ZC3H18: variants seen among roughly 807,000 people sequenced by gnomAD.
The protein encoded by ZC3H18 is zinc finger CCCH-type containing 18, also known as zinc finger CCCH domain-containing protein 18.
ZC3H18 carries 8 observed loss-of-function variants against 106.1 expected under a neutral mutation model. The observed-to-expected ratio is 0.08, with a 90% CI of 0.04 to 0.14. The LOEUF (loss-of-function observed/expected upper bound fraction) is 0.14, where lower values mean the gene tolerates loss of function less well. ZC3H18 is among the 10% of genes least tolerant of loss of function. The pLI, the probability that ZC3H18 is intolerant of heterozygous loss-of-function variation, is 1.00. For synonymous variants in ZC3H18, 635 were observed against 522.1 expected (o/e 1.22, Z -2.95); for missense variants, 1,318 against 1,278.4 (o/e 1.03, Z -0.47).
At position 88,603,090 on chromosome 16, in the gene ZC3H18, G is replaced by A. The variant is rs201371069; in HGVS notation, c.1088+3142G>A. 1.3e-4 allele frequency among the ~76,000 whole-genome samples: 19 copies of A among 150,974 alleles called. No individual in the cohort carries two copies. In the East Asian group the frequency reaches 3.5e-3, roughly 28 times the overall value. On this transcript the variant is annotated intron_variant, in intron 6 of 17. Transcript: ENST00000301011. ...CGCCATTCTCCTGCCTCAGCCTCCC[G>A]AGTAGCTGGGACTACAGGCGCCCGC...
At chr16:88,607,238 G>A (rs767275006) in intron 6 of ZC3H18, among the ~76,000 whole-genome samples, 6 of 152,144 alleles carry the variant, frequency 3.9e-5, no homozygotes, top group Non-Finnish European at 7.3e-5. Flanking sequence ...CCTTCTGGCC[G>A]CCGGTTTTCA....
At position 88,610,880 on chromosome 16, in the gene ZC3H18, A is replaced by G. The variant is rs1351990869; in HGVS notation, c.1207-388A>G. Among the ~76,000 whole-genome samples the G allele has an allele frequency of 3.3e-5, 5 of 152,222 alleles. No individual in the cohort carries two copies. In the East Asian group the frequency reaches 7.7e-4, roughly 23 times the overall value. On this transcript the variant is annotated intron_variant, in intron 7 of 17. Transcript: ENST00000301011. Reference sequence around the variant, plus strand: ...ACACGGCGGAAGGCCATCTGTGCCAACGACACCGGGCTGTGACTGCAGAAT... The same window carrying G: ...ACACGGCGGAAGGCCATCTGTGCCAGCGACACCGGGCTGTGACTGCAGAAT...
At chr16:88,577,059 T>G in intron 1 of ZC3H18, 51 bp from the exon 2 acceptor site, 1 of 1,495,682 alleles carries the variant, frequency 6.7e-7, no homozygotes, top group Non-Finnish European at 8.9e-7. Flanking sequence ...AGGGACAAGG[T>G]TTGTTTTCCA....
chr16:88,576,623 G>C (rs1032732594), intron 1 of ZC3H18, among the ~76,000 whole-genome samples: 3 of 152,190 alleles, frequency 2.0e-5, no homozygotes, highest in African/African-American at 7.2e-5. Context: ...TCCAGACTTG[G>C]ACACTGCCGA....
rs750884212 is a variant in ZC3H18 at position 88,599,861 on chromosome 16, T to A, written c.1001T>A (p.Ile334Asn). ...DFEEKRFTVT[I>N]GEDEREFDKE... is the part of the protein sequence containing the mutation. ...GAAGAGAAAAGGTTTACGGTGACCATTGGCGAAGACGAACGGGAATTTGAC... is the reference window on the plus strand; with the variant it reads ...GAAGAGAAAAGGTTTACGGTGACCAATGGCGAAGACGAACGGGAATTTGAC... Residue 334 changes from isoleucine to asparagine, a missense_variant, in exon 6 of 18, where the codon ATT (isoleucine) becomes AAT (asparagine). Transcript: ENST00000301011. 1 of 1,614,110 alleles carries A rather than the reference T, an allele frequency of 6.2e-7. No individual in the cohort carries two copies. The highest frequency in any genetic ancestry group is 8.5e-7 in the Non-Finnish European group (1 of 1,180,050).
chr16:88,583,320 TTACCAG>T (rs781371459), intron 2 of ZC3H18, among the ~76,000 whole-genome samples: 6 of 152,274 alleles, frequency 3.9e-5, no homozygotes, highest in Non-Finnish European at 7.3e-5. Flanking sequence ...GTTTAGCACG[TTACCAG>T]TGAGGCGTTT....
At chr16:88,600,219 G>T in intron 6 of ZC3H18, among the ~76,000 whole-genome samples, 1 of 152,170 alleles carries the variant, frequency 6.6e-6, no homozygotes, top group East Asian at 1.9e-4. Context: ...GAGAGTTTTC[G>T]CTGCTGTCCT....
intron 6 of ZC3H18, among the ~76,000 whole-genome samples, chr16:88,601,386 A>G (rs1904743623): frequency 6.6e-6 from 1 of 152,058 alleles, no homozygotes. Context: ...GTCTCTATAA[A>G]TATGTGTGGG....
At chr16:88,630,339 T>C (rs894306449) in intron 16 of ZC3H18, 146 bp from the exon 17 acceptor site, 5 of 617,810 alleles carry the variant, frequency 8.1e-6, no homozygotes, top group Admixed American at 3.0e-5. Context: ...TACTTGGCTC[T>C]CCCCTTTTTA....
At chr16:88,619,034 C>T (rs1347625861) in intron 8 of ZC3H18, among the ~76,000 whole-genome samples, 2 of 152,150 alleles carry the variant, frequency 1.3e-5, no homozygotes, top group East Asian at 3.9e-4. Context: ...AGGATGTCCC[C>T]TGGGGTGACA....
chr16:88,617,495 C>T (rs186075020), intron 8 of ZC3H18, among the ~76,000 whole-genome samples: 71 of 152,264 alleles, frequency 4.7e-4, no homozygotes, highest in African/African-American at 1.0e-3. Flanking sequence ...GTGTGCTCAC[C>T]GCCGAGGCAC....
intron 8 of ZC3H18, among the ~76,000 whole-genome samples, chr16:88,619,909 C>G (rs977063811): frequency 6.6e-6 from 1 of 152,156 alleles, no homozygotes; most frequent in African/African-American, 2.4e-5. Flanking sequence ...GAAAGTAGCT[C>G]TCTAGTAGCC....
At chr16:88,623,107 T>G (rs1199147241) in intron 9 of ZC3H18, 112 bp from the exon 10 acceptor site, 15 of 1,457,292 alleles carry the variant, frequency 1.0e-5, no homozygotes, top group South Asian at 1.3e-5. Flanking sequence ...AGCTGTGCGC[T>G]TGTGTGTAGC....
rs764257521 is a variant in ZC3H18 at position 88,628,053 on chromosome 16, C to A, written c.2403C>A (p.Pro801=). Residue 801 remains proline (P), a synonymous_variant, in exon 15 of 18, where the codon CCC becomes CCA. Transcript: ENST00000301011. ...AGCCCTCGACACCCCAGCAGGCACCCCCCGGGCAGCCCCAGCAGGGCACAT... is the reference window on the plus strand; with the variant it reads ...AGCCCTCGACACCCCAGCAGGCACCACCCGGGCAGCCCCAGCAGGGCACAT... The part of the protein sequence containing the change: ...SQQPSTPQQA[P]PGQPQQGTFV... 3 of 1,613,968 alleles carry A rather than the reference C, an allele frequency of 1.9e-6. No homozygotes were observed. The highest frequency in any genetic ancestry group is 2.7e-5 in the African/African-American group (2 of 74,926).
At chr16:88,611,562 G>A (rs1905276532) in intron 8 of ZC3H18, 26 bp downstream of exon 8, 3 of 1,545,830 alleles carry the variant, frequency 1.9e-6, no homozygotes, top group African/African-American at 1.4e-5. Flanking sequence ...TGAAGCCCAG[G>A]GGTGTGGGGG....
chr16:88,588,965 G>A (rs1010821851), intron 3 of ZC3H18, among the ~76,000 whole-genome samples: 15 of 152,118 alleles, frequency 9.9e-5, no homozygotes, highest in African/African-American at 2.9e-4. Flanking sequence ...CATTTCAGAA[G>A]TGTTTTTATT....
intron 6 of ZC3H18, among the ~76,000 whole-genome samples, chr16:88,601,443 C>T (rs573378353): frequency 2.0e-5 from 3 of 152,272 alleles, no homozygotes; most frequent in East Asian, 3.9e-4. Flanking sequence ...CACTCTATTT[C>T]CAGTTTCCCT....
In ZC3H18 at chr16:88,577,730, A is replaced by T; in HGVS notation, c.603+4A>T. On this transcript the variant is annotated splice_donor_region_variant and intron_variant, in intron 2 of 17. Transcript: ENST00000301011. Reference sequence around the variant, plus strand: ...AATCGATGATGGGGAAATAGACGTGAGTATGATGGAGCAGAGCGTCGCGGG... The same window carrying T: ...AATCGATGATGGGGAAATAGACGTGTGTATGATGGAGCAGAGCGTCGCGGG... 1 of 1,613,032 alleles carries T rather than the reference A, an allele frequency of 6.2e-7. No homozygotes were observed. Among genetic ancestry groups the T allele is most frequent in the Non-Finnish European group, 8.5e-7 (1 of 1,180,038 alleles).
intron 3 of ZC3H18, among the ~76,000 whole-genome samples, chr16:88,590,199 A>G (rs906361116): frequency 9.2e-5 from 14 of 152,172 alleles, no homozygotes; most frequent in Non-Finnish European, 2.1e-4. Context: ...CAATCCTTCC[A>G]CCTCAGCCTC....
Sources: allele counts gnomAD v4.1 joint callset (sites outside exome capture counted in the v4.1 genomes callset), GRCh38; gene constraint gnomAD v4.1.1; transcripts MANE v1.5; gene names NCBI Gene and HGNC (gene_info 2026-07-23, HGNC 2026-07-21).